Variants in CWC27 observed in about 807,000 individuals in gnomAD.
CWC27 encodes the protein spliceosome-associated protein CWC27 homolog.
CWC27 carries 47 observed loss-of-function variants against 63.6 expected under a neutral mutation model. The ratio of observed to expected loss-of-function variants is 0.74; its 90% CI spans 0.58 to 0.94. The LOEUF (loss-of-function observed/expected upper bound fraction) is 0.94. Ranked by LOEUF, CWC27 falls within the 40% of genes least tolerant of loss-of-function variation. CWC27 has a pLI of 0.00. For missense variants in CWC27, 495 were observed against 554.3 expected, an observed-to-expected ratio of 0.89 and a Z score of 1.07; for synonymous variants, 175 against 179.8, an observed-to-expected ratio of 0.97 and a Z score of 0.22.
At chr5:64,892,480 C>G (rs985089527) in intron 11 of CWC27, among the ~76,000 whole-genome samples, 9 of 152,108 alleles carry the variant, frequency 5.9e-5, no homozygotes, top group Non-Finnish European at 1.3e-4. Context: ...AATACTTCGC[C>G]AAAGATAACC....
At position 64,951,999 on chromosome 5, in the gene CWC27, A is replaced by G. The variant is rs117713932; in HGVS notation, c.1043-19704A>G. On this transcript the variant is annotated intron_variant, in intron 11 of 13. Transcript: ENST00000381070. ...TAACATATACCAAAAAAAAGAATAC[A>G]GTTGTCCCTCAGTATCCATGGAGGA... is the stretch of plus-strand genomic sequence containing the variant. Among the ~76,000 whole-genome samples, 25 of 152,058 alleles carry G rather than the reference A, an allele frequency of 1.6e-4. No homozygotes were observed. The East Asian group carries it at 4.2e-3, about 26-fold the overall frequency.
chr5:64,790,379 A>G (rs1744033612), intron 7 of CWC27, among the ~76,000 whole-genome samples: 1 of 152,136 alleles, frequency 6.6e-6, no homozygotes, highest in Non-Finnish European at 1.5e-5. Flanking sequence ...TCAGTGCACT[A>G]GTCTTGCATT....
At chr5:64,945,714 A>G (rs569491923) in intron 11 of CWC27, among the ~76,000 whole-genome samples, 4 of 152,302 alleles carry the variant, frequency 2.6e-5, no homozygotes, top group African/African-American at 7.2e-5. Context: ...AGATTGCCTG[A>G]CAGCAACTGT....
intron 10 of CWC27, among the ~76,000 whole-genome samples, chr5:64,816,667 AACT>A (rs1451504063): frequency 6.6e-6 from 1 of 152,082 alleles, no homozygotes; most frequent in East Asian, 1.9e-4. Context: ...ATATGAGATA[AACT>A]ACCTTTCAGG....
chr5:64,846,786 G>A (rs1289944423), intron 10 of CWC27, among the ~76,000 whole-genome samples: 3 of 152,116 alleles, frequency 2.0e-5, no homozygotes, highest in Admixed American at 6.5e-5. Flanking sequence ...TTGAGGTCAG[G>A]AGTTTGAGAC....
At chr5:64,785,188 T>C (rs949363930) in intron 4 of CWC27, among the ~76,000 whole-genome samples, 1 of 152,192 alleles carries the variant, frequency 6.6e-6, no homozygotes, top group Non-Finnish European at 1.5e-5. Context: ...GTTTATGATG[T>C]TTGAATGAAA....
intron 10 of CWC27, among the ~76,000 whole-genome samples, chr5:64,852,776 T>C (rs1746167367): frequency 7.0e-6 from 1 of 142,188 alleles, no homozygotes; most frequent in Non-Finnish European, 1.6e-5. Flanking sequence ...CCCGGCCACC[T>C]TTTTTTTTTT....
intron 10 of CWC27, among the ~76,000 whole-genome samples, chr5:64,824,341 T>C (rs1175103119): frequency 1.3e-5 from 2 of 152,220 alleles, no homozygotes; most frequent in African/African-American, 4.8e-5. Flanking sequence ...AACTTTGTTA[T>C]GCCAAGAGTT....
chr5:64,772,375 C>G (rs1182759470), intron 1 of CWC27, among the ~76,000 whole-genome samples: 1 of 151,798 alleles, frequency 6.6e-6, no homozygotes, highest in Non-Finnish European at 1.5e-5. Context: ...CCTATAATCC[C>G]AGCACTTTGG....
chr5:64,953,570 A>T (rs1748749675), intron 11 of CWC27, among the ~76,000 whole-genome samples: 1 of 152,172 alleles, frequency 6.6e-6, no homozygotes, highest in African/African-American at 2.4e-5. Context: ...ACCGAGAAGA[A>T]AGTGTAAGAT....
intron 10 of CWC27, among the ~76,000 whole-genome samples, chr5:64,829,043 T>C (rs767568418): frequency 9.9e-5 from 15 of 152,156 alleles, no homozygotes; most frequent in Non-Finnish European, 1.8e-4. Flanking sequence ...AATATCAATG[T>C]ACAAAATGAA....
chr5:64,968,813 A>C (rs1024293370), intron 11 of CWC27, among the ~76,000 whole-genome samples: 1 of 152,182 alleles, frequency 6.6e-6, no homozygotes, highest in African/African-American at 2.4e-5. Flanking sequence ...TTATATACAA[A>C]ATTAGTGAGT....
At chr5:64,966,801 T>C (rs1749021958) in intron 11 of CWC27, among the ~76,000 whole-genome samples, 1 of 152,154 alleles carries the variant, frequency 6.6e-6, no homozygotes, top group African/African-American at 2.4e-5. Flanking sequence ...CATAAGTTGA[T>C]GCTATTGATA....
chr5:64,939,894 C>T (rs765078997), intron 11 of CWC27, among the ~76,000 whole-genome samples: 15 of 152,332 alleles, frequency 9.8e-5, no homozygotes, highest in South Asian at 2.1e-4. Flanking sequence ...GTACTAACTT[C>T]TGGTCGGCTT....
At chr5:64,793,750 C>T (rs1330175791) in intron 7 of CWC27, among the ~76,000 whole-genome samples, 1 of 152,106 alleles carries the variant, frequency 6.6e-6, no homozygotes. Context: ...TTTCATTCTT[C>T]ATTTGTTTAT....
At chr5:64,907,429 A>G (rs1473011036) in intron 11 of CWC27, among the ~76,000 whole-genome samples, 2 of 152,170 alleles carry the variant, frequency 1.3e-5, no homozygotes, top group East Asian at 1.9e-4. Context: ...CTTTGTAACA[A>G]TTGTGAATGG....
chr5:64,959,497 A>G (rs903311223), intron 11 of CWC27, among the ~76,000 whole-genome samples: 3 of 152,202 alleles, frequency 2.0e-5, no homozygotes, highest in Non-Finnish European at 4.4e-5. Context: ...GCTCCTCAGG[A>G]GAGATGGTAA....
intron 11 of CWC27, among the ~76,000 whole-genome samples, chr5:64,928,277 A>G (rs1748159888): frequency 2.0e-5 from 3 of 152,058 alleles, no homozygotes; most frequent in Non-Finnish European, 4.4e-5. Context: ...CAATGTAGGG[A>G]TCTCAGTTGC....
chr5:64,946,052 C>T (rs1435130222), intron 11 of CWC27, among the ~76,000 whole-genome samples: 1 of 152,070 alleles, frequency 6.6e-6, no homozygotes, highest in East Asian at 1.9e-4. Flanking sequence ...CCACATTTTG[C>T]CCACATCATT....
Sources: allele counts gnomAD v4.1 joint callset (sites outside exome capture counted in the v4.1 genomes callset), GRCh38; gene constraint gnomAD v4.1.1; transcripts MANE v1.5; gene names NCBI Gene and HGNC (gene_info 2026-07-23, HGNC 2026-07-21).